The following CNGA3 variants were observed in gnomAD, a reference collection of about 807,000 sequenced individuals.
The protein encoded by CNGA3 is cyclic nucleotide gated channel subunit alpha 3, also known as cyclic nucleotide-gated channel alpha-3.
Under a neutral mutation model 46.6 loss-of-function variants are expected in CNGA3, and 42 were observed. That is an observed-to-expected ratio of 0.90 (90% CI 0.70 to 1.17). The LOEUF (loss-of-function observed/expected upper bound fraction) is 1.17, where lower values mean the gene tolerates loss of function less well. Ranked by LOEUF, CNGA3 falls within the 50% of genes most tolerant of loss-of-function variation. The pLI is 0.00. For synonymous variants in CNGA3, 394 were observed against 369.4 expected (o/e 1.07, Z -0.76); for missense variants, 893 against 890.7 (o/e 1.00, Z -0.03).
At chr2:98,356,224 G>A (rs112708953) in intron 1 of CNGA3, among the ~76,000 whole-genome samples, 2 of 152,174 alleles carry the variant, frequency 1.3e-5, no homozygotes, top group Non-Finnish European at 2.9e-5. Context: ...AGTTTAATTT[G>A]ATGAAGCGAG....
chr2:98,391,410 G>A (rs1692785215), intron 6 of CNGA3, among the ~76,000 whole-genome samples: 1 of 152,194 alleles, frequency 6.6e-6, no homozygotes, highest in African/African-American at 2.4e-5. Context: ...GGAGAGCTGG[G>A]GGTGCTGCCT....
chr2:98,380,275 G>A lies in CNGA3; in HGVS notation c.316G>A (p.Glu106Lys), dbSNP rs375152706. The A allele has an allele frequency of 9.3e-6, 15 of 1,614,060 alleles. No homozygotes were observed. The highest frequency in any genetic ancestry group is 2.7e-5 in the African/African-American group (2 of 74,912). Residue 106 changes from glutamate to lysine, a missense_variant, in exon 4 of 8, where the codon GAG becomes AAG. By Grantham distance (56) the Glu-to-Lys change is moderately conservative. Around this residue, in one of 3 missense-constraint regions of CNGA3, gnomAD observed 333 missense variants for 290.8 expected, o/e 1.15. Coordinates refer to ENST00000272602, the MANE Select transcript of CNGA3 (RefSeq NM_001298.3). ...DSFPDRFRGA[E>K]LKEVSSQESN... ...TTTTCCTGATCGTTTCCGTGGAGCC[G>A]AGCTTAAGGAGGTGTCCAGCCAAGA...
chr2:98,373,461 G>T (rs953427377), intron 2 of CNGA3, among the ~76,000 whole-genome samples: 1 of 152,042 alleles, frequency 6.6e-6, no homozygotes, highest in Non-Finnish European at 1.5e-5. Context: ...ATGGCCCCTC[G>T]CTGAGTGCCC....
Position 98,396,917 on chromosome 2 carries a change from G to A in CNGA3, c.1747G>A (p.Asp583Asn), listed in dbSNP as rs768458537. The A allele has an allele frequency of 3.1e-5, 50 of 1,614,026 alleles. No homozygotes were observed. Among genetic ancestry groups the A allele is most frequent in the African/African-American group, 1.7e-4 (13 of 74,926 alleles). The part of the protein sequence containing the change: ...YSDLFCLSKD[D>N]LMEALTEYPE... ...AGACCTGTTCTGCCTCTCAAAGGAC[G>A]ATCTCATGGAGGCCCTCACCGAGTA... Residue 583 changes from aspartate (D) to asparagine (N), a missense_variant, in exon 8 of 8, where the codon GAT (aspartate) becomes AAT (asparagine). This residue lies in a region of CNGA3 where 548 missense variants were observed against 570.8 expected (regional missense o/e 0.96). Transcript: ENST00000272602.
At chr2:98,376,463 G>A (rs1475414123) in intron 2 of CNGA3, among the ~76,000 whole-genome samples, 5 of 152,294 alleles carry the variant, frequency 3.3e-5, no homozygotes, top group Admixed American at 2.0e-4. Context: ...CAGCCTCAAT[G>A]TGGGGAGGCT....
At chr2:98,379,918 G>C (rs930449158) in intron 3 of CNGA3, 16 of 567,970 alleles carry the variant, frequency 2.8e-5, no homozygotes, top group Middle Eastern at 9.4e-4. Context: ...GTAATAAAGA[G>C]AGTGTCCCTT....
chr2:98,391,952 C>A lies in CNGA3; in HGVS notation c.655C>A (p.Leu219Ile). Residue 219 changes from leucine to isoleucine, a missense_variant, in exon 7 of 8, where the codon CTT becomes ATT. Around this residue, in one of 3 missense-constraint regions of CNGA3, gnomAD observed 333 missense variants for 290.8 expected, o/e 1.15. Transcript: ENST00000272602. ...SADVLYVLDVLVRARTGFLEQ... is the reference protein window; with the variant it reads ...SADVLYVLDVIVRARTGFLEQ... ...AGATGTCCTGTATGTCTTGGATGTG[C>A]TTGTACGAGCTCGGACAGGTGAGTG... is the stretch of plus-strand genomic sequence containing the variant. 2.5e-6 allele frequency: 4 copies of A among 1,613,990 alleles called. No homozygotes were observed. The highest frequency in any genetic ancestry group is 3.4e-6 in the Non-Finnish European group (4 of 1,179,964).
At chr2:98,391,780 C>T (rs1574387041) in intron 6 of CNGA3, 84 bp from the exon 7 acceptor site, 1 of 1,322,506 alleles carries the variant, frequency 7.6e-7, no homozygotes, top group East Asian at 2.3e-5. Flanking sequence ...CAGCGTCTTC[C>T]ACACAGAGCC....
In CNGA3 at chr2:98,396,030, T is replaced by G; in HGVS notation, c.860T>G (p.Phe287Cys). ...RLLKFSRLFE[F>C]FDRTETRTNY... Reference sequence around the variant, plus strand: ...CTGAAGTTTTCCCGGCTCTTTGAATTCTTTGACCGCACAGAGACAAGGACC... The same window carrying G: ...CTGAAGTTTTCCCGGCTCTTTGAATGCTTTGACCGCACAGAGACAAGGACC... Residue 287 changes from phenylalanine (F) to cysteine (C), a missense_variant, in exon 8 of 8, where the codon TTC (phenylalanine) becomes TGC (cysteine). Physicochemically the swap from Phe to Cys is radical, Grantham distance 205. Transcript: ENST00000272602. The G allele has an allele frequency of 6.2e-7, 1 of 1,614,226 alleles. No individual in the cohort carries two copies. The highest frequency in any genetic ancestry group is 1.1e-5 in the South Asian group (1 of 91,086).
intron 1 of CNGA3, among the ~76,000 whole-genome samples, chr2:98,367,234 T>A (rs1232791695): frequency 7.0e-6 from 1 of 142,588 alleles, no homozygotes; most frequent in Non-Finnish European, 1.5e-5. Context: ...TCCCCCAGGC[T>A]GGAGGGCAGG....
At position 98,398,086 on chromosome 2, in the gene CNGA3, T is replaced by C. The variant is rs939942183; in HGVS notation, c.*831T>C. 4 of 152,150 alleles carry C rather than the reference T, an allele frequency of 2.6e-5. No homozygotes were observed. The highest frequency in any genetic ancestry group is 9.7e-5 in the African/African-American group (4 of 41,440). The allele number at this position is 152,150 out of a possible 1,614,324, so 9.4% of individuals were successfully genotyped here. A position where few individuals can be genotyped will look rare whatever the true frequency, so the allele number is the denominator to read the frequency against. On this transcript the variant is annotated 3_prime_UTR_variant, in exon 8 of 8. Transcript: ENST00000272602. The stretch of plus-strand genomic sequence containing the variant: ...CTATGTACAGGGAGAGCATTTTAGA[T>C]TGAAGGTTGGAATGGTGTACTAAAC...
At position 98,356,835 on chromosome 2, in the gene CNGA3, G is replaced by A. The variant is rs560709160; in HGVS notation, c.-38+10301G>A. 1.1e-4 allele frequency among the ~76,000 whole-genome samples: 17 copies of A among 152,304 alleles called. No individual in the cohort carries two copies. In the South Asian group the frequency reaches 1.7e-3, roughly 15 times the overall value. ...ACGTTCAGTCTAGAGCAAGGGGCTC[G>A]AAATGTTTGGCCCTCCTTTGTAGTA... On this transcript the variant is annotated intron_variant, in intron 1 of 7. Transcript: ENST00000272602.
intron 4 of CNGA3, among the ~76,000 whole-genome samples, chr2:98,382,861 C>A (rs370541899): frequency 4.3e-4 from 66 of 152,342 alleles, no homozygotes; most frequent in African/African-American, 1.5e-3. Context: ...AAAACAGCAA[C>A]AATCCCACCT....
At chr2:98,362,060 G>A (rs1013516598) in intron 1 of CNGA3, among the ~76,000 whole-genome samples, 7 of 151,714 alleles carry the variant, frequency 4.6e-5, no homozygotes, top group African/African-American at 1.7e-4. Flanking sequence ...GTATGTCATC[G>A]TGGTTTTGAT....
At chr2:98,380,526 G>C (rs1041145880) in intron 4 of CNGA3, among the ~76,000 whole-genome samples, 172 bp downstream of exon 4, 1 of 152,162 alleles carries the variant, frequency 6.6e-6, no homozygotes, top group African/African-American at 2.4e-5. Flanking sequence ...TGCTCTAACA[G>C]CCTCTGCGGA....
chr2:98,367,169 T>TTATTTTC (rs1553447812), intron 1 of CNGA3, among the ~76,000 whole-genome samples: 2,681 of 113,300 alleles, frequency 0.024, 299 homozygotes, highest in Admixed American at 0.064. Flanking sequence ...CATCAGCTGT[T>TTATTTTC]TTTTTTCTTT....
chr2:98,377,942 A>G, intron 3 of CNGA3, 142 bp downstream of exon 3: 1 of 1,341,614 alleles, frequency 7.5e-7, no homozygotes. Flanking sequence ...GCAGCCTGAA[A>G]ACTATCAGTG....
chr2:98,380,349 G>C lies in CNGA3; in HGVS notation c.390G>C (p.Gly130=), dbSNP rs764529642. The C allele has an allele frequency of 2.5e-6, 4 of 1,613,998 alleles. No individual in the cohort carries two copies. Among genetic ancestry groups the C allele is most frequent in the Non-Finnish European group, 3.4e-6 (4 of 1,179,930 alleles). Residue 130 remains glycine (G), a synonymous_variant, in exon 4 of 8, where the codon GGG becomes GGC. Transcript: ENST00000272602. ...NVGSQEPADR[G]RSAWPLAKCN... is the part of the protein sequence containing the mutation. ...GCAGCCAGGAGCCAGCAGACAGAGGGAGAAGGTAAGGAACGGAAAAGAAGA... is the reference window on the plus strand; with the variant it reads ...GCAGCCAGGAGCCAGCAGACAGAGGCAGAAGGTAAGGAACGGAAAAGAAGA...
chr2:98,374,446 G>A (rs1385411127), intron 2 of CNGA3, among the ~76,000 whole-genome samples: 1 of 152,174 alleles, frequency 6.6e-6, no homozygotes, highest in Non-Finnish European at 1.5e-5. Context: ...TCCTGGCCTG[G>A]TCTGTTCATT....
Sources: gnomAD v4.1 joint callset for allele counts (sites outside exome capture counted in the v4.1 genomes callset) on GRCh38, gnomAD v4.1.1 for gene constraint, gnomAD v4.1.1 regional missense constraint, MANE v1.5 for transcripts, NCBI Gene and HGNC (gene_info 2026-07-23, HGNC 2026-07-21) for gene names.